BRINP3: variants seen among roughly 807,000 people sequenced by gnomAD.
The protein encoded by BRINP3 is BMP/retinoic acid inducible neural specific 3.
A neutral mutation model predicts 71.0 loss-of-function variants in BRINP3; 19 were observed. The ratio of observed to expected loss-of-function variants is 0.27; its 90% CI spans 0.19 to 0.39. BRINP3 has a LOEUF of 0.39. Among genes scored for constraint, BRINP3 ranks in the 10% least tolerant of loss-of-function variants. The probability of loss-of-function intolerance (pLI) is 1.00; values close to 1 mark genes in which losing one functional copy is unlikely to be tolerated. For missense variants in BRINP3, 959 were observed against 940.8 expected, an observed-to-expected ratio of 1.02 and a Z score of -0.25; for synonymous variants, 380 against 337.7, an observed-to-expected ratio of 1.13 and a Z score of -1.37.
At chr1:190,337,379 G>T (rs561748596) in intron 2 of BRINP3, among the ~76,000 whole-genome samples, 1 of 151,946 alleles carries the variant, frequency 6.6e-6, no homozygotes, top group African/African-American at 2.4e-5. Context: ...TGAGGGTGTC[G>T]CCAAAGGGGA....
intron 2 of BRINP3, among the ~76,000 whole-genome samples, chr1:190,307,076 T>C (rs1424195426): frequency 6.6e-6 from 1 of 151,808 alleles, no homozygotes; most frequent in African/African-American, 2.4e-5. Flanking sequence ...TCTTGTATAG[T>C]GCGTTTTGTC....
intron 2 of BRINP3, among the ~76,000 whole-genome samples, chr1:190,372,337 T>C (rs1052469796): frequency 3.3e-5 from 5 of 152,170 alleles, no homozygotes; most frequent in African/African-American, 1.2e-4. Flanking sequence ...GATATTTCAC[T>C]GTATCCTGCA....
intron 2 of BRINP3, among the ~76,000 whole-genome samples, chr1:190,337,044 C>T (rs1191296825): frequency 6.6e-6 from 1 of 151,838 alleles, no homozygotes; most frequent in Non-Finnish European, 1.5e-5. Flanking sequence ...TAACCTGAGG[C>T]ATCTTGGAAA....
rs771697911 is a variant in BRINP3, at chr1:190,234,344, G to A, written c.724+28C>T. The A allele has an allele frequency of 6.5e-6, 10 of 1,532,744 alleles. No individual in the cohort carries two copies. In the African/African-American group the frequency reaches 1.1e-4, roughly 17 times the overall value. 94.9% of individuals were successfully genotyped at this position (1,532,744 alleles called of 1,614,324 possible). On this transcript the variant is annotated intron_variant, in intron 5 of 7. Transcript: ENST00000367462. ...TGGATAATTGCTATTCAGGCTTGTA[G>A]AGAATTAATGAAATTTTACCAACAT...
chr1:190,456,138 A>T (rs188580608), intron 1 of BRINP3, among the ~76,000 whole-genome samples: 1 of 152,220 alleles, frequency 6.6e-6, no homozygotes, highest in Admixed American at 6.5e-5. Flanking sequence ...GTATTTGAAT[A>T]AGAACACTGG....
Position 190,298,315 on chromosome 1 carries a change from T to G in BRINP3, c.237-16565A>C, listed in dbSNP as rs115818913. Among the ~76,000 whole-genome samples the G allele has an allele frequency of 7.2e-3, 1,097 of 152,250 alleles. 18 individuals are homozygous for G. Among genetic ancestry groups the G allele is most frequent in the African/African-American group, 0.025 (1,036 of 41,556 alleles). On this transcript the variant is annotated intron_variant, in intron 2 of 7. Transcript: ENST00000367462. ...GTTTTTGTTCATTGATTTAATCTAT[T>G]GTTTCTCTTTTTTCAACTTCATTGA...
intron 1 of BRINP3, chr1:190,474,945 G>C (rs1677404680): frequency 1.3e-5 from 2 of 151,542 alleles, no homozygotes; most frequent in Admixed American, 6.6e-5. Flanking sequence ...TCCAGAAAGA[G>C]GAAAATAAAA....
chr1:190,317,723 C>A (rs571661193), intron 2 of BRINP3, among the ~76,000 whole-genome samples: 1 of 151,994 alleles, frequency 6.6e-6, no homozygotes, highest in East Asian at 1.9e-4. Flanking sequence ...CGTATTGTTT[C>A]CCCTGCTAGA....
At chr1:190,265,756 T>C (rs2102878512) in intron 3 of BRINP3, among the ~76,000 whole-genome samples, 1 of 151,916 alleles carries the variant, frequency 6.6e-6, no homozygotes, top group South Asian at 2.1e-4. Flanking sequence ...GAAATTGCAT[T>C]TACTCAGAAA....
At chr1:190,126,515 T>C (rs1420168113) in intron 7 of BRINP3, among the ~76,000 whole-genome samples, 1 of 151,954 alleles carries the variant, frequency 6.6e-6, no homozygotes, top group East Asian at 1.9e-4. Context: ...TGTATTTACT[T>C]ATTTTTATTG....
intron 2 of BRINP3, among the ~76,000 whole-genome samples, chr1:190,372,327 G>A (rs1051638650): frequency 6.6e-6 from 1 of 152,112 alleles, no homozygotes; most frequent in African/African-American, 2.4e-5. Flanking sequence ...CACTAACACA[G>A]ATATTTCACT....
At chr1:190,174,122 C>T (rs1326462644) in intron 6 of BRINP3, among the ~76,000 whole-genome samples, 3 of 152,140 alleles carry the variant, frequency 2.0e-5, no homozygotes, top group African/African-American at 7.2e-5. Context: ...ACTTTTCATG[C>T]TTGTAAGTCA....
intron 2 of BRINP3, among the ~76,000 whole-genome samples, chr1:190,334,113 T>C (rs1667137405): frequency 6.6e-6 from 1 of 151,836 alleles, no homozygotes; most frequent in African/African-American, 2.4e-5. Flanking sequence ...TTTGTTTAAA[T>C]AATAAAAAAG....
chr1:190,191,078 G>T (rs1653991335), intron 6 of BRINP3, among the ~76,000 whole-genome samples: 2 of 152,084 alleles, frequency 1.3e-5, no homozygotes, highest in South Asian at 4.1e-4. Flanking sequence ...AGACACACTA[G>T]TTTCTAAGAG....
At chr1:190,262,154 CAT>C (rs1197792066) in intron 4 of BRINP3, among the ~76,000 whole-genome samples, 2 of 152,174 alleles carry the variant, frequency 1.3e-5, no homozygotes, top group Non-Finnish European at 2.9e-5. Context: ...CTGCAGTGCA[CAT>C]GATCATGGGT....
chr1:190,410,235 C>G (rs1445930628), intron 2 of BRINP3, among the ~76,000 whole-genome samples: 2 of 152,000 alleles, frequency 1.3e-5, no homozygotes, highest in African/African-American at 4.8e-5. Context: ...AGCCCATACT[C>G]CTTTGCTAGT....
chr1:190,358,467 A>T (rs1365336976), intron 2 of BRINP3, among the ~76,000 whole-genome samples: 1 of 152,226 alleles, frequency 6.6e-6, no homozygotes, highest in Non-Finnish European at 1.5e-5. Flanking sequence ...ATGAGATAAC[A>T]TCTCACACCA....
chr1:190,209,717 T>G (rs1655821425), intron 6 of BRINP3, among the ~76,000 whole-genome samples: 1 of 152,300 alleles, frequency 6.6e-6, no homozygotes, highest in Middle Eastern at 3.4e-3. Context: ...ATAATATATC[T>G]TGACTTTGAA....
At chr1:190,165,895 G>A (rs2102478533) in intron 6 of BRINP3, among the ~76,000 whole-genome samples, 1 of 152,138 alleles carries the variant, frequency 6.6e-6, no homozygotes, top group Middle Eastern at 3.4e-3. Context: ...GGCTGAAATG[G>A]CACCTGCTCC....
Sources: allele counts gnomAD v4.1 joint callset (sites outside exome capture counted in the v4.1 genomes callset), GRCh38; gene constraint gnomAD v4.1.1; transcripts MANE v1.5; gene names NCBI Gene and HGNC (gene_info 2026-07-23, HGNC 2026-07-21).